Variants in SECISBP2L observed in about 807,000 individuals in gnomAD.
SECISBP2L encodes selenocysteine insertion sequence-binding protein 2-like.
SECISBP2L carries 43 observed loss-of-function variants against 114.7 expected under a neutral mutation model. The observed-to-expected ratio is 0.38, with a 90% CI of 0.29 to 0.48. The LOEUF (loss-of-function observed/expected upper bound fraction) is 0.48, where lower values mean the gene tolerates loss of function less well. Ranked by LOEUF, SECISBP2L falls within the 20% of genes least tolerant of loss-of-function variation. The probability of loss-of-function intolerance (pLI) is 0.98; values close to 1 mark genes in which losing one functional copy is unlikely to be tolerated. For missense variants in SECISBP2L, 1,136 were observed against 1,301.1 expected, an observed-to-expected ratio of 0.87 and a Z score of 1.95; for synonymous variants, 451 against 439.7, an observed-to-expected ratio of 1.03 and a Z score of -0.32.
chr15:49,001,514 T>C (rs1902209525), intron 14 of SECISBP2L, among the ~76,000 whole-genome samples: 1 of 151,568 alleles, frequency 6.6e-6, no homozygotes, highest in Admixed American at 6.6e-5. Context: ...GTGCAGAACA[T>C]GCAGGTTTGT....
At chr15:48,999,123 G>T (rs896121974) in intron 16 of SECISBP2L, among the ~76,000 whole-genome samples, 12 of 152,106 alleles carry the variant, frequency 7.9e-5, no homozygotes, top group African/African-American at 2.9e-4. Context: ...ATGGGTGGTG[G>T]GAAAGAAACA....
intron 8 of SECISBP2L, 136 bp downstream of exon 8, chr15:49,019,282 T>G: frequency 1.5e-6 from 1 of 655,192 alleles, no homozygotes; most frequent in Non-Finnish European, 2.2e-6. Flanking sequence ...TTAATACTTC[T>G]GAGTAATTTA....
chr15:49,014,024 T>TA (rs1371080908), intron 11 of SECISBP2L, among the ~76,000 whole-genome samples: 2 of 152,192 alleles, frequency 1.3e-5, no homozygotes, highest in African/African-American at 2.4e-5. Flanking sequence ...CCTTCCCTAT[T>TA]AAACTTCGAA....
intron 8 of SECISBP2L, among the ~76,000 whole-genome samples, chr15:49,018,352 G>A (rs572979394): frequency 6.6e-6 from 1 of 151,782 alleles, no homozygotes; most frequent in Non-Finnish European, 1.5e-5. Context: ...CACCTCCTGG[G>A]TTCAAGCAAT....
rs1261282623 is a variant in SECISBP2L, at chr15:49,032,956, T to C, written c.664+9A>G. On this transcript the variant is annotated intron_variant, in intron 4 of 17. Transcript: ENST00000559471. ...ATCAGTGACGCACATGTAAGAACCC[T>C]TGCCTTACCAGTTTGCTGTGAAGCA... is the stretch of plus-strand genomic sequence containing the variant. 9 of 1,613,112 alleles carry C rather than the reference T, an allele frequency of 5.6e-6. No homozygotes were observed. The highest frequency in any genetic ancestry group is 1.7e-5 in the Admixed American group (1 of 59,852).
In SECISBP2L at chr15:49,019,539, C is replaced by A. The variant is rs868689247; in HGVS notation, c.1049G>T (p.Cys350Phe). ...TTCTGAGGAAGTACTGTGTCCTCGG[C>A]ATCTGAATCCAACCTAAGTAAACCC... ...QRNNSQVGFR[C>F]RGHSTSSERR... is the part of the protein sequence containing the mutation. Residue 350 changes from cysteine (C) to phenylalanine (F), a missense_variant, in exon 8 of 18, where the codon TGC becomes TTC. Cys to Phe is a radical substitution (Grantham distance 205). This residue lies in a region of SECISBP2L where 452 missense variants were observed against 452.3 expected (regional missense o/e 1.00). Coordinates refer to ENST00000559471, the MANE Select transcript of SECISBP2L (RefSeq NM_001193489.2). 2 of 1,480,340 alleles carry A rather than the reference C, an allele frequency of 1.4e-6. No individual in the cohort carries two copies. Among genetic ancestry groups the A allele is most frequent in the East Asian group, 2.6e-5 (1 of 38,094 alleles). The allele number at this position is 1,480,340 out of a possible 1,614,324, so 91.7% of individuals were successfully genotyped here.
intron 14 of SECISBP2L, 141 bp from the exon 15 acceptor site, chr15:49,001,238 A>G: frequency 1.7e-6 from 1 of 585,608 alleles, no homozygotes; most frequent in Non-Finnish European, 2.9e-6. Flanking sequence ...AGTGTTTAAA[A>G]CTTCTTAAAT....
intron 4 of SECISBP2L, among the ~76,000 whole-genome samples, 185 bp downstream of exon 4, chr15:49,032,780 A>T (rs1340164511): frequency 6.6e-6 from 1 of 152,362 alleles, no homozygotes; most frequent in South Asian, 2.1e-4. Flanking sequence ...AAGGCCAGCA[A>T]GCAAATTGAA....
intron 13 of SECISBP2L, 45 bp downstream of exon 13, chr15:49,011,686 T>A: frequency 1.2e-6 from 2 of 1,609,042 alleles, no homozygotes; most frequent in Non-Finnish European, 1.7e-6. Flanking sequence ...TATTAAAATA[T>A]TTCAGACCAT....
At chr15:49,023,936 T>A (rs896629891) in intron 7 of SECISBP2L, among the ~76,000 whole-genome samples, 1 of 152,188 alleles carries the variant, frequency 6.6e-6, no homozygotes, top group Admixed American at 6.5e-5. Context: ...AGAGGTGAAA[T>A]GAGACTTTTA....
intron 4 of SECISBP2L, among the ~76,000 whole-genome samples, chr15:49,032,717 G>T (rs1448577870): frequency 6.6e-6 from 1 of 152,020 alleles, no homozygotes; most frequent in Non-Finnish European, 1.5e-5. Flanking sequence ...TTTCTGAACC[G>T]CTCCATTATT....
intron 5 of SECISBP2L, 59 bp downstream of exon 5, chr15:49,028,394 T>C: frequency 1.3e-6 from 2 of 1,494,644 alleles, no homozygotes; most frequent in South Asian, 2.3e-5. Context: ...TAGCAGAGGA[T>C]GCAAAATAAT....
chr15:48,996,000 AACTC>A (rs1245164281), intron 17 of SECISBP2L: 1 of 198,046 alleles, frequency 5.0e-6, no homozygotes, highest in Non-Finnish European at 1.0e-5. Flanking sequence ...CAAATTAGAT[AACTC>A]ACTACCTTCA....
chr15:49,028,756 G>A (rs1902817762), intron 4 of SECISBP2L, 74 bp from the exon 5 acceptor site: 1 of 1,267,118 alleles, frequency 7.9e-7, no homozygotes, highest in African/African-American at 1.5e-5. Flanking sequence ...TCATCATTAA[G>A]ATTGTAAGAA....
At chr15:49,036,330 C>A (rs1032291212) in intron 2 of SECISBP2L, among the ~76,000 whole-genome samples, 2 of 152,208 alleles carry the variant, frequency 1.3e-5, no homozygotes, top group African/African-American at 4.8e-5. Flanking sequence ...TCCCAGCAGC[C>A]CCCTCACCAA....
chr15:49,026,428 A>G (rs1034390793), intron 7 of SECISBP2L, among the ~76,000 whole-genome samples: 1 of 152,198 alleles, frequency 6.6e-6, no homozygotes, highest in Admixed American at 6.5e-5. Context: ...TATGGTAATC[A>G]CCCTGATTTG....
chr15:49,024,263 C>T (rs746906235), intron 7 of SECISBP2L, among the ~76,000 whole-genome samples: 5 of 151,958 alleles, frequency 3.3e-5, no homozygotes, highest in Non-Finnish European at 5.9e-5. Flanking sequence ...TTTGGGAGGC[C>T]GAGGTGGGTG....
In SECISBP2L at chr15:48,999,901, G is replaced by A. The variant is rs768184711; in HGVS notation, c.2335C>T (p.Leu779=). The A allele has an allele frequency of 1.2e-6, 2 of 1,614,012 alleles. No homozygotes were observed. The highest frequency in any genetic ancestry group is 2.2e-5 in the South Asian group (2 of 91,060). ...PFVFALGRKA[L]GRCVNKLVPV... is the part of the protein sequence containing the mutation. ...ACCAGCTTGTTCACACAGCGTCCTA[G>A]AGCTTTCCTTCCAAGGGCAAACACA... Residue 779 remains leucine (L), a synonymous_variant, in exon 16 of 18, where the codon CTA becomes TTA. Transcript: ENST00000559471.
chr15:49,015,650 G>A (rs1178728438), intron 11 of SECISBP2L, among the ~76,000 whole-genome samples: 1 of 152,118 alleles, frequency 6.6e-6, no homozygotes, highest in Non-Finnish European at 1.5e-5. Context: ...CAGAAAAGCT[G>A]AGCTCTAAAT....
Sources: gnomAD v4.1 joint callset for allele counts (sites outside exome capture counted in the v4.1 genomes callset) on GRCh38, gnomAD v4.1.1 for gene constraint, gnomAD v4.1.1 regional missense constraint, MANE v1.5 for transcripts, NCBI Gene and HGNC (gene_info 2026-07-23, HGNC 2026-07-21) for gene names.